The following AFF3 variants were observed in gnomAD, a reference collection of about 807,000 sequenced individuals.
The protein encoded by AFF3 is AF4/FMR2 family member 3.
In AFF3, 32 loss-of-function variants were observed where a neutral mutation model predicts 129.7. The ratio of observed to expected loss-of-function variants is 0.25; its 90% CI spans 0.19 to 0.33. AFF3 has a LOEUF of 0.33. Among genes scored for constraint, AFF3 ranks in the 10% least tolerant of loss-of-function variants. AFF3 has a pLI of 1.00. For synonymous variants in AFF3, 644 were observed against 635.4 expected, an observed-to-expected ratio of 1.01 and a Z score of -0.20; for missense variants, 1,373 against 1,592.0, an observed-to-expected ratio of 0.86 and a Z score of 2.34.
intron 7 of AFF3, among the ~76,000 whole-genome samples, chr2:99,884,410 T>C (rs1692954202): frequency 6.6e-6 from 1 of 152,180 alleles, no homozygotes; most frequent in African/African-American, 2.4e-5. Flanking sequence ...TGTATGTATT[T>C]ATTTTTGAGA....
At chr2:99,898,374 C>T (rs966807549) in intron 7 of AFF3, among the ~76,000 whole-genome samples, 6 of 152,170 alleles carry the variant, frequency 3.9e-5, no homozygotes, top group African/African-American at 4.8e-5. Flanking sequence ...ACTGAGGCAC[C>T]GAGAGAGAGT....
chr2:99,549,790 T>C lies in AFF3; in HGVS notation c.*1684A>G. 1 of 222,478 alleles carries C rather than the reference T, an allele frequency of 4.5e-6. No homozygotes were observed. The allele number at this position is 222,478 out of a possible 1,614,324, so 13.8% of individuals were successfully genotyped here. A position where few individuals can be genotyped will look rare whatever the true frequency, so the allele number is the denominator to read the frequency against. On this transcript the variant is annotated 3_prime_UTR_variant, in exon 25 of 25. Transcript: ENST00000672756. Reference sequence around the variant, plus strand: ...GCTCAGAGCTAAGGAATTATGATGATCTTACTTCCCACCTACAGATCAGGC... The same window carrying C: ...GCTCAGAGCTAAGGAATTATGATGACCTTACTTCCCACCTACAGATCAGGC...
At chr2:99,594,947 A>T (rs868323663) in intron 14 of AFF3, among the ~76,000 whole-genome samples, 44 of 152,214 alleles carry the variant, frequency 2.9e-4, no homozygotes, top group Admixed American at 8.5e-4. Flanking sequence ...AAATATTTCA[A>T]ACATGGAGGT....
At chr2:100,051,113 A>G (rs906910066) in intron 4 of AFF3, among the ~76,000 whole-genome samples, 1 of 152,110 alleles carries the variant, frequency 6.6e-6, no homozygotes, top group East Asian at 1.9e-4. Flanking sequence ...GGCAAAGCCC[A>G]TTTCTTCCAC....
chr2:99,946,337 A>G (rs900634179), intron 7 of AFF3, among the ~76,000 whole-genome samples: 3 of 151,718 alleles, frequency 2.0e-5, no homozygotes, highest in African/African-American at 4.8e-5. Flanking sequence ...TAAGCTGGGC[A>G]TGGGTGGACG....
intron 10 of AFF3, among the ~76,000 whole-genome samples, chr2:99,733,501 TATAG>T (rs1304314506): frequency 4.6e-5 from 7 of 152,122 alleles, no homozygotes; most frequent in African/African-American, 7.2e-5. Flanking sequence ...TACTCAAATT[TATAG>T]ATAATTTTCT....
At chr2:99,994,121 T>TTA (rs1553498982) in intron 7 of AFF3, among the ~76,000 whole-genome samples, 56 of 151,408 alleles carry the variant, frequency 3.7e-4, no homozygotes, top group Admixed American at 3.7e-3. Flanking sequence ...TAATCTTTTT[T>TTA]AAAAAAAAAT....
chr2:99,824,866 G>C (rs941105048), intron 8 of AFF3, among the ~76,000 whole-genome samples: 6 of 152,168 alleles, frequency 3.9e-5, no homozygotes, highest in Non-Finnish European at 8.8e-5. Flanking sequence ...GGAGTTCTGG[G>C]CCAATGAAAT....
intron 11 of AFF3, among the ~76,000 whole-genome samples, chr2:99,698,869 T>G (rs1676560743): frequency 6.6e-6 from 1 of 152,230 alleles, no homozygotes. Context: ...CTGGATTCTA[T>G]AAAAATATGA....
At chr2:99,814,182 A>G in intron 8 of AFF3, among the ~76,000 whole-genome samples, 1 of 152,068 alleles carries the variant, frequency 6.6e-6, no homozygotes, top group South Asian at 2.1e-4. Context: ...GGGATGACAG[A>G]TATTTCTTTC....
intron 11 of AFF3, among the ~76,000 whole-genome samples, chr2:99,722,153 CTA>C (rs1216621129): frequency 6.6e-6 from 1 of 152,106 alleles, no homozygotes; most frequent in African/African-American, 2.4e-5. Flanking sequence ...GTCATGATGA[CTA>C]TGTTTTCCTT....
At chr2:99,638,078 A>ATT (rs11401722) in intron 13 of AFF3, among the ~76,000 whole-genome samples, 2,430 of 147,578 alleles carry the variant, frequency 0.016, 57 homozygotes, top group African/African-American at 0.057. Flanking sequence ...CAGAACCAGT[A>ATT]TTTTTTTTTT....
chr2:99,630,901 G>A (rs1301558814), intron 13 of AFF3: 7 of 333,708 alleles, frequency 2.1e-5, no homozygotes, highest in Admixed American at 4.0e-5. Context: ...ATCACCAGGC[G>A]TGTTCTGGGC....
intron 7 of AFF3, among the ~76,000 whole-genome samples, chr2:99,904,613 T>C (rs1488414285): frequency 6.6e-6 from 1 of 152,170 alleles, no homozygotes; most frequent in Non-Finnish European, 1.5e-5. Context: ...GGGGGCTTTC[T>C]TTTTATTAAT....
intron 7 of AFF3, among the ~76,000 whole-genome samples, chr2:99,954,028 T>C (rs895522824): frequency 5.3e-5 from 8 of 152,358 alleles, no homozygotes; most frequent in Admixed American, 4.6e-4. Context: ...GACAAGGCCA[T>C]GGCCTAAGTT....
At chr2:99,911,390 GAAAA>G (rs34700536) in intron 7 of AFF3, among the ~76,000 whole-genome samples, 1 of 128,390 alleles carries the variant, frequency 7.8e-6, no homozygotes, top group African/African-American at 2.9e-5. Flanking sequence ...TTCATCTCTG[GAAAA>G]AAAAAAAAAA....
intron 5 of AFF3, among the ~76,000 whole-genome samples, 175 bp downstream of exon 5, chr2:100,008,637 A>G (rs1290368374): frequency 2.6e-5 from 4 of 152,242 alleles, no homozygotes; most frequent in African/African-American, 4.8e-5. Context: ...TGTGAACCAC[A>G]CACCTCAATT....
intron 7 of AFF3, among the ~76,000 whole-genome samples, chr2:99,880,620 C>G (rs889230534): frequency 6.6e-6 from 1 of 152,186 alleles, no homozygotes; most frequent in Non-Finnish European, 1.5e-5. Context: ...AGAACTCCCA[C>G]TCAATTTCCA....
chr2:99,636,536 G>GT (rs1683674331), intron 13 of AFF3, among the ~76,000 whole-genome samples: 1 of 152,238 alleles, frequency 6.6e-6, no homozygotes, highest in Non-Finnish European at 1.5e-5. Context: ...GTAGAAGGCA[G>GT]TGTGACAATT....
Sources: gnomAD v4.1 joint callset for allele counts (sites outside exome capture counted in the v4.1 genomes callset) on GRCh38, gnomAD v4.1.1 for gene constraint, MANE v1.5 for transcripts, NCBI Gene and HGNC (gene_info 2026-07-23, HGNC 2026-07-21) for gene names.